C17orf67: variants seen among roughly 807,000 people sequenced by gnomAD.
The protein encoded by C17orf67 is uncharacterized protein C17orf67.
C17orf67 carries 12 observed loss-of-function variants against 11.2 expected under a neutral mutation model. That is an observed-to-expected ratio of 1.07 (90% confidence interval 0.68 to 1.73). C17orf67 has a LOEUF of 1.73. Among genes scored for constraint, C17orf67 ranks in the 40% most tolerant of loss-of-function variants. The pLI, the probability that C17orf67 is intolerant of heterozygous loss-of-function variation, is 0.00. For synonymous variants in C17orf67, 59 were observed against 46.9 expected, an observed-to-expected ratio of 1.26 and a Z score of -1.05; for missense variants, 115 against 113.5, an observed-to-expected ratio of 1.01 and a Z score of -0.06.
chr17:56,811,818 C>T (rs939361741), intron 6 of C17orf67, among the ~76,000 whole-genome samples: 1 of 152,256 alleles, frequency 6.6e-6, no homozygotes, highest in African/African-American at 2.4e-5. Context: ...ACTCTCCATA[C>T]CACCCAGTTC....
intron 4 of C17orf67, among the ~76,000 whole-genome samples, chr17:56,824,419 T>G (rs1905977646): frequency 6.6e-6 from 1 of 152,200 alleles, no homozygotes; most frequent in African/African-American, 2.4e-5. Context: ...TCTCAGGTAT[T>G]CTGCTATAGC....
At chr17:56,818,079 A>G (rs1905803378) in intron 4 of C17orf67, among the ~76,000 whole-genome samples, 1 of 152,060 alleles carries the variant, frequency 6.6e-6, no homozygotes, top group African/African-American at 2.4e-5. Context: ...CTTGAGCTCA[A>G]GCAATTCTCC....
intron 6 of C17orf67, among the ~76,000 whole-genome samples, chr17:56,799,275 C>A (rs1222421595): frequency 6.6e-6 from 1 of 152,236 alleles, no homozygotes; most frequent in Non-Finnish European, 1.5e-5. Flanking sequence ...GATCTTTATA[C>A]TGTCTCTATA....
chr17:56,792,670 A>C (rs1390085955), intron 7 of C17orf67, among the ~76,000 whole-genome samples: 1 of 89,430 alleles, frequency 1.1e-5, no homozygotes, highest in Non-Finnish European at 2.8e-5. Flanking sequence ...GGTGATGGTG[A>C]TGATGGGGTT....
intron 4 of C17orf67, among the ~76,000 whole-genome samples, chr17:56,824,077 G>A (rs978045975): frequency 3.9e-5 from 6 of 152,240 alleles, no homozygotes; most frequent in African/African-American, 1.4e-4. Flanking sequence ...CACTGATGGT[G>A]TTGGGAGGTG....
At chr17:56,797,529 AG>A (rs1448685913) in intron 6 of C17orf67, among the ~76,000 whole-genome samples, 3 of 152,158 alleles carry the variant, frequency 2.0e-5, no homozygotes, top group Non-Finnish European at 4.4e-5. Flanking sequence ...GGGGCACAGC[AG>A]GGTGGAGAAC....
chr17:56,794,128 G>A (rs958514920), intron 7 of C17orf67, among the ~76,000 whole-genome samples: 1 of 152,174 alleles, frequency 6.6e-6, no homozygotes, highest in Non-Finnish European at 1.5e-5. Flanking sequence ...TCTTTAAAAT[G>A]GGGTTAAAGT....
intron 7 of C17orf67, 143 bp downstream of exon 7, chr17:56,794,901 A>C (rs1597985515): frequency 1.1e-5 from 6 of 560,834 alleles, no homozygotes; most frequent in South Asian, 4.8e-5. Flanking sequence ...CTCCTGCCTC[A>C]CTCTTGCCAC....
At chr17:56,830,396 G>C (rs1267981728) in intron 2 of C17orf67, among the ~76,000 whole-genome samples, 1 of 151,836 alleles carries the variant, frequency 6.6e-6, no homozygotes, top group Non-Finnish European at 1.5e-5. Context: ...ATTTATTTTG[G>C]GATAAAGTAA....
chr17:56,831,631 C>T (rs999406067), intron 2 of C17orf67, among the ~76,000 whole-genome samples: 3 of 152,168 alleles, frequency 2.0e-5, no homozygotes, highest in African/African-American at 7.2e-5. Flanking sequence ...CCAGAACCCT[C>T]CTCAGGTCTC....
chr17:56,795,558 T>C (rs1215239101), intron 6 of C17orf67, among the ~76,000 whole-genome samples: 1 of 152,212 alleles, frequency 6.6e-6, no homozygotes, highest in African/African-American at 2.4e-5. Flanking sequence ...CACAGATTGC[T>C]GGGCCTATCT....
intron 4 of C17orf67, among the ~76,000 whole-genome samples, chr17:56,820,940 T>C (rs3986358): frequency 0.66 from 99,771 of 151,890 alleles, 32,968 homozygotes; most frequent in East Asian, 0.82. Flanking sequence ...GAGAGGGTCT[T>C]GCTCTGTCGC....
In C17orf67 at chr17:56,810,145, AC is replaced by A. The variant is rs1449800535; in HGVS notation, c.156+4723del. On this transcript the variant is annotated intron_variant, in intron 6 of 7. Coordinates refer to ENST00000397861, the MANE Select transcript of C17orf67 (RefSeq NM_001085430.4). ...CACTCCTTGCACAGACCCCTCACGCACACCCCTCACACCCCCACCTCACACA... is the reference window on the plus strand; with the variant it reads ...CACTCCTTGCACAGACCCCTCACGCAACCCCTCACACCCCCACCTCACACA... 5.5e-5 allele frequency among the ~76,000 whole-genome samples: 3 copies of A among 54,414 alleles called. 1 individual carries two copies. Among genetic ancestry groups the A allele is most frequent in the African/African-American group, 1.9e-4 (3 of 15,894 alleles). 35.7% of individuals were successfully genotyped at this position (54,414 alleles called of 152,430 possible). A position where few individuals can be genotyped will look rare whatever the true frequency, so the allele number is the denominator to read the frequency against.
intron 4 of C17orf67, among the ~76,000 whole-genome samples, chr17:56,819,366 C>T (rs980495243): frequency 6.6e-6 from 1 of 152,186 alleles, no homozygotes; most frequent in Non-Finnish European, 1.5e-5. Context: ...TCCCTGCCCC[C>T]ACCACCACCA....
intron 2 of C17orf67, among the ~76,000 whole-genome samples, chr17:56,825,944 A>AGAGTGT (rs112419442): frequency 3.9e-4 from 35 of 90,298 alleles, no homozygotes; most frequent in African/African-American, 1.3e-3. Flanking sequence ...GAAACCTGTG[A>AGAGTGT]GTGTGTGTGT....
At position 56,833,061 on chromosome 17, in the gene C17orf67, A is replaced by C. The variant is rs1906275946; in HGVS notation, c.-720T>G. The C allele has an allele frequency of 6.6e-6, 1 of 152,098 alleles. No homozygotes were observed. Among genetic ancestry groups the C allele is most frequent in the Non-Finnish European group, 1.5e-5 (1 of 68,050 alleles). 9.4% of individuals were successfully genotyped at this position (152,098 alleles called of 1,614,324 possible). A position where few individuals can be genotyped will look rare whatever the true frequency, so the allele number is the denominator to read the frequency against. On this transcript the variant is annotated 5_prime_UTR_variant, in exon 2 of 8. Coordinates refer to ENST00000397861, the MANE Select transcript of C17orf67 (RefSeq NM_001085430.4). ...GGTGTGTGTTTTCTTTCCATCTTTT[A>C]TGCTAGAGGAAGTCCGCAAGCAACA... is the stretch of plus-strand genomic sequence containing the variant.
chr17:56,803,489 C>T (rs1304519611), intron 6 of C17orf67, among the ~76,000 whole-genome samples: 1 of 152,236 alleles, frequency 6.6e-6, no homozygotes, highest in Non-Finnish European at 1.5e-5. Flanking sequence ...CTCTGTCCCT[C>T]TCAGCCAAAT....
intron 6 of C17orf67, among the ~76,000 whole-genome samples, chr17:56,803,001 G>A (rs1027679529): frequency 6.6e-6 from 1 of 152,210 alleles, no homozygotes; most frequent in Non-Finnish European, 1.5e-5. Context: ...TCTATTAGCG[G>A]TCATCGTATC....
In C17orf67 at chr17:56,832,914, A is replaced by C. The variant is rs1417896900; in HGVS notation, c.-573T>G. ...CACACATACACGTATATATACATCT[A>C]TATGTGTATTCTTAATGAATGTTAT... On this transcript the variant is annotated 5_prime_UTR_variant, in exon 2 of 8. Coordinates refer to ENST00000397861, the MANE Select transcript of C17orf67 (RefSeq NM_001085430.4). 6.6e-6 allele frequency: 1 copy of C among 152,184 alleles called. No homozygotes were observed. Among genetic ancestry groups the C allele is most frequent in the Non-Finnish European group, 1.5e-5 (1 of 68,032 alleles). 9.4% of individuals were successfully genotyped at this position (152,184 alleles called of 1,614,324 possible).
Sources: allele counts gnomAD v4.1 joint callset (sites outside exome capture counted in the v4.1 genomes callset), GRCh38; gene constraint gnomAD v4.1.1; transcripts MANE v1.5; gene names NCBI Gene and HGNC (gene_info 2026-07-23, HGNC 2026-07-21).